Variants in GLCCI1 observed in about 807,000 individuals in gnomAD.
GLCCI1 encodes the protein glucocorticoid-induced transcript 1 protein.
A neutral mutation model predicts 52.2 loss-of-function variants in GLCCI1; 24 were observed. The observed-to-expected ratio is 0.46, with a 90% CI of 0.33 to 0.65. The LOEUF is 0.65. GLCCI1 is among the 30% of genes least tolerant of loss of function. The pLI is 0.02. For missense variants in GLCCI1, 704 were observed against 701.5 expected (o/e 1.00, Z -0.04); for synonymous variants, 310 against 276.5 (o/e 1.12, Z -1.20).
chr7:8,077,218 C>T (rs1271598668), intron 6 of GLCCI1, among the ~76,000 whole-genome samples: 1 of 152,180 alleles, frequency 6.6e-6, no homozygotes, highest in Non-Finnish European at 1.5e-5. Context: ...AAAAGGGAAT[C>T]TGTTGGAGTT....
chr7:8,060,774 T>C (rs113464112), intron 5 of GLCCI1, among the ~76,000 whole-genome samples: 16 of 152,238 alleles, frequency 1.1e-4, no homozygotes, highest in African/African-American at 3.1e-4. Context: ...ATAATGCTTC[T>C]ATAAACATTT....
chr7:8,064,580 C>G (rs903429749), intron 5 of GLCCI1, among the ~76,000 whole-genome samples: 6 of 152,154 alleles, frequency 3.9e-5, no homozygotes, highest in Non-Finnish European at 5.9e-5. Context: ...CTTGGCTGTT[C>G]AAGCTCCTTT....
At position 8,063,365 on chromosome 7, in the gene GLCCI1, T is replaced by G. The variant is rs141350915; in HGVS notation, c.966+3117T>G. ...TTCATCATGTTGGCCAGGCTGGTCT[T>G]GAACTCCTGAGCTCAGGCAATCCAC... On this transcript the variant is annotated intron_variant, in intron 5 of 7. Coordinates refer to ENST00000223145, the MANE Select transcript of GLCCI1 (RefSeq NM_138426.4). 8.0e-3 allele frequency among the ~76,000 whole-genome samples: 1,216 copies of G among 151,940 alleles called. 23 individuals carry two copies. The highest frequency in any genetic ancestry group is 0.028 in the African/African-American group (1,144 of 41,420).
At chr7:8,023,585 A>ATTTTTTTTTTTTTTTTTTT (rs1268659559) in intron 3 of GLCCI1, among the ~76,000 whole-genome samples, 3 of 39,782 alleles carry the variant, frequency 7.5e-5, no homozygotes, top group Admixed American at 2.5e-4. Flanking sequence ...AATCTCTGTT[A>ATTTTTTTTTTTTTTTTTTT]TTCTTTTTTT....
At chr7:8,004,547 C>A (rs1031904187) in intron 2 of GLCCI1, among the ~76,000 whole-genome samples, 1 of 152,024 alleles carries the variant, frequency 6.6e-6, no homozygotes, top group African/African-American at 2.4e-5. Context: ...GATCTCCAAG[C>A]TTTTGATTTG....
intron 1 of GLCCI1, among the ~76,000 whole-genome samples, chr7:7,999,653 C>G (rs561064029): frequency 4.0e-5 from 6 of 151,698 alleles, no homozygotes; most frequent in Non-Finnish European, 8.8e-5. Context: ...ACCTGTATTC[C>G]TAGTATTTTG....
chr7:8,044,696 A>G (rs1161722703), intron 3 of GLCCI1, among the ~76,000 whole-genome samples: 6 of 152,170 alleles, frequency 3.9e-5, no homozygotes, highest in Admixed American at 1.3e-4. Flanking sequence ...ATTCACATGT[A>G]TACTCTCTCT....
intron 3 of GLCCI1, among the ~76,000 whole-genome samples, chr7:8,045,974 A>AAC (rs77114028): frequency 6.6e-6 from 1 of 152,002 alleles, no homozygotes; most frequent in Non-Finnish European, 1.5e-5. Context: ...AAAAAAAAAA[A>AAC]ACCTTATAAA....
chr7:8,070,881 T>G (rs1782746363), intron 5 of GLCCI1, 40 bp from the exon 6 acceptor site: 1 of 1,531,750 alleles, frequency 6.5e-7, no homozygotes, highest in Non-Finnish European at 9.0e-7. Context: ...GATGAATATA[T>G]GCACCAGCAT....
intron 3 of GLCCI1, among the ~76,000 whole-genome samples, chr7:8,023,824 C>G (rs985602210): frequency 6.6e-5 from 10 of 151,782 alleles, no homozygotes; most frequent in African/African-American, 2.2e-4. Flanking sequence ...GTCTCGAACT[C>G]CTGACCTTAA....
intron 2 of GLCCI1, among the ~76,000 whole-genome samples, chr7:8,009,871 T>G (rs1781229167): frequency 6.6e-6 from 1 of 151,746 alleles, no homozygotes; most frequent in South Asian, 2.1e-4. Flanking sequence ...TTCAAAAGAT[T>G]CAGTGTGGAC....
chr7:8,010,459 G>A lies in GLCCI1; in HGVS notation c.609+6400G>A, dbSNP rs373915781. ...TGCTCCCTGCCAAGGTCAGCATCCT[G>A]TCATAATATCTTATAAAATCTCTGT... On this transcript the variant is annotated intron_variant, in intron 2 of 7. Transcript: ENST00000223145. 4.7e-4 allele frequency among the ~76,000 whole-genome samples: 72 copies of A among 152,300 alleles called. 1 individual carries two copies. Among genetic ancestry groups the A allele is most frequent in the African/African-American group, 1.7e-3 (70 of 41,578 alleles).
chr7:8,009,503 C>A (rs1430852101), intron 2 of GLCCI1, among the ~76,000 whole-genome samples: 3 of 152,178 alleles, frequency 2.0e-5, no homozygotes, highest in African/African-American at 7.2e-5. Context: ...CATTCTCTCT[C>A]CTGGGCACAT....
At position 8,064,661 on chromosome 7, in the gene GLCCI1, A is replaced by G. The variant is rs114920361; in HGVS notation, c.966+4413A>G. Among the ~76,000 whole-genome samples the G allele has an allele frequency of 7.4e-3, 1,131 of 152,272 alleles. 19 individuals carry two copies. Among genetic ancestry groups the G allele is most frequent in the African/African-American group, 0.026 (1,067 of 41,550 alleles). ...GAACATCATTGGAAGTTTGATGGGAACAGCATTGAATCTGGAAATTGCTTT... is the reference window on the plus strand; with the variant it reads ...GAACATCATTGGAAGTTTGATGGGAGCAGCATTGAATCTGGAAATTGCTTT... On this transcript the variant is annotated intron_variant, in intron 5 of 7. Transcript: ENST00000223145.
intron 1 of GLCCI1, chr7:7,970,591 C>A (rs184143515): frequency 2.0e-5 from 3 of 152,692 alleles, no homozygotes; most frequent in Admixed American, 2.0e-4. Flanking sequence ...TTGAGCTGTT[C>A]AAGGATCTCA....
At chr7:8,045,206 T>C (rs1583996942) in intron 3 of GLCCI1, among the ~76,000 whole-genome samples, 1 of 152,162 alleles carries the variant, frequency 6.6e-6, no homozygotes, top group Non-Finnish European at 1.5e-5. Context: ...GTGGCTGCAG[T>C]GTATCCTGGA....
intron 3 of GLCCI1, among the ~76,000 whole-genome samples, chr7:8,044,341 CA>C: frequency 6.6e-6 from 1 of 151,302 alleles, no homozygotes; most frequent in Middle Eastern, 3.4e-3. Context: ...TCGAATTAAA[CA>C]GTATTATATC....
At chr7:8,081,302 A>G (rs1227310532) in intron 6 of GLCCI1, among the ~76,000 whole-genome samples, 2 of 152,208 alleles carry the variant, frequency 1.3e-5, no homozygotes, top group Non-Finnish European at 2.9e-5. Context: ...TGATAAGTCT[A>G]ATGTGAAAGA....
At chr7:8,074,151 T>G (rs1271308365) in intron 6 of GLCCI1, among the ~76,000 whole-genome samples, 1 of 152,138 alleles carries the variant, frequency 6.6e-6, no homozygotes, top group African/African-American at 2.4e-5. Flanking sequence ...AGTGGAGAAA[T>G]AGAGATGAAT....
Sources: gnomAD v4.1 joint callset for allele counts (sites outside exome capture counted in the v4.1 genomes callset) on GRCh38, gnomAD v4.1.1 for gene constraint, MANE v1.5 for transcripts, NCBI Gene and HGNC (gene_info 2026-07-23, HGNC 2026-07-21) for gene names.